CLVS1: variants seen among roughly 807,000 people sequenced by gnomAD.
CLVS1 encodes clavesin-1.
A neutral mutation model predicts 33.1 loss-of-function variants in CLVS1; 10 were observed. The ratio of observed to expected loss-of-function variants is 0.30; its 90% confidence interval spans 0.19 to 0.51. The LOEUF is 0.51. Ranked by LOEUF, CLVS1 falls within the 20% of genes least tolerant of loss-of-function variation. The pLI is 0.97. For synonymous variants in CLVS1, 163 were observed against 166.1 expected, an observed-to-expected ratio of 0.98 and a Z score of 0.14; for missense variants, 343 against 433.4, an observed-to-expected ratio of 0.79 and a Z score of 1.85.
intron 2 of CLVS1, among the ~76,000 whole-genome samples, chr8:61,364,323 C>G (rs1813103457): frequency 6.6e-6 from 1 of 152,108 alleles, no homozygotes; most frequent in Non-Finnish European, 1.5e-5. Flanking sequence ...TCACAGCAGC[C>G]TTATATCCTG....
At chr8:61,373,804 G>C (rs1388151022) in intron 2 of CLVS1, among the ~76,000 whole-genome samples, 2 of 152,142 alleles carry the variant, frequency 1.3e-5, no homozygotes, top group Non-Finnish European at 2.9e-5. Context: ...GCTTAAGAAA[G>C]CAATCATTTA....
upstream of CLVS1, among the ~76,000 whole-genome samples, chr8:61,056,931 G>A (rs1431043010): frequency 6.6e-6 from 1 of 152,096 alleles, no homozygotes; most frequent in Non-Finnish European, 1.5e-5. Context: ...AAAGCGCCAG[G>A]GCCTTTGTCA....
the CLVS1 span, among the ~76,000 whole-genome samples, chr8:61,031,394 C>A: frequency 6.6e-6 from 1 of 152,180 alleles, no homozygotes; most frequent in African/African-American, 2.4e-5. Flanking sequence ...CCGTTCCCCA[C>A]CCAAGAGCTA....
intron 3 of CLVS1, among the ~76,000 whole-genome samples, chr8:61,380,685 C>G (rs1813838142): frequency 6.6e-6 from 1 of 152,146 alleles, no homozygotes; most frequent in Non-Finnish European, 1.5e-5. Context: ...AAATTTTAAT[C>G]AAACAAAGTA....
the CLVS1 span, among the ~76,000 whole-genome samples, chr8:61,028,013 T>G: frequency 2.0e-5 from 3 of 152,234 alleles, no homozygotes; most frequent in African/African-American, 7.2e-5. Flanking sequence ...CCTATCTGAA[T>G]GGTCCTTGAG....
In CLVS1 at chr8:61,158,320, C is replaced by G. The variant is rs546884952; in HGVS notation, c.-152+26460C>G. Among the ~76,000 whole-genome samples, 143 of 152,206 alleles carry G rather than the reference C, an allele frequency of 9.4e-4. 1 individual carries two copies. Among genetic ancestry groups the G allele is most frequent in the Non-Finnish European group, 1.6e-3 (110 of 68,022 alleles). ...AGATCAGTGGCTATTTCTGGAGGAACAGACTGGGAAGGGGTGGAGACACTC... is the reference window on the plus strand; with the variant it reads ...AGATCAGTGGCTATTTCTGGAGGAAGAGACTGGGAAGGGGTGGAGACACTC... On this transcript the variant is annotated intron_variant, in intron 2 of 2. Transcript: ENST00000522621.
intron 5 of CLVS1, among the ~76,000 whole-genome samples, chr8:61,461,390 T>C (rs1227333346): frequency 6.6e-6 from 1 of 152,252 alleles, no homozygotes; most frequent in Non-Finnish European, 1.5e-5. Flanking sequence ...GTTGCTCTGA[T>C]AGAGGTTCTT....
intron 2 of CLVS1, among the ~76,000 whole-genome samples, chr8:61,262,002 G>A (rs932862768): frequency 2.6e-4 from 39 of 150,792 alleles, no homozygotes; most frequent in East Asian, 5.8e-4. Flanking sequence ...GTGTGTGTGT[G>A]TGTGTGTGTG....
intron 2 of CLVS1, among the ~76,000 whole-genome samples, chr8:61,216,939 A>T (rs901422734): frequency 1.2e-4 from 18 of 152,204 alleles, no homozygotes; most frequent in African/African-American, 3.1e-4. Flanking sequence ...GGTGAAACAA[A>T]TGCACAGATT....
chr8:61,154,569 G>C (rs1806613361), intron 2 of CLVS1, among the ~76,000 whole-genome samples: 1 of 152,196 alleles, frequency 6.6e-6, no homozygotes, highest in African/African-American at 2.4e-5. Context: ...CCACGGACTT[G>C]AGAATGCATC....
intron 2 of CLVS1, among the ~76,000 whole-genome samples, chr8:61,180,979 T>A (rs966264077): frequency 6.6e-6 from 1 of 152,210 alleles, no homozygotes; most frequent in Non-Finnish European, 1.5e-5. Flanking sequence ...ACATTGGAAG[T>A]TCTGGCCAGG....
intron 2 of CLVS1, among the ~76,000 whole-genome samples, chr8:61,216,001 T>C (rs1407805192): frequency 2.6e-5 from 4 of 152,120 alleles, no homozygotes; most frequent in Non-Finnish European, 5.9e-5. Flanking sequence ...GGAGTTATCT[T>C]ATATAGGGCA....
At chr8:61,051,592 C>G in the CLVS1 span, among the ~76,000 whole-genome samples, 1 of 152,252 alleles carries the variant, frequency 6.6e-6, no homozygotes, top group South Asian at 2.1e-4. Context: ...TGGAGAGCCA[C>G]TGGCCTGCAG....
the CLVS1 span, among the ~76,000 whole-genome samples, chr8:61,033,057 A>AAG: frequency 5.3e-4 from 32 of 60,254 alleles, 2 homozygotes; most frequent in Non-Finnish European, 7.4e-4. Context: ...AAAAGAAAGA[A>AAG]AGATAGAAAG....
intron 2 of CLVS1, among the ~76,000 whole-genome samples, chr8:61,221,301 T>A (rs889546661): frequency 6.6e-6 from 1 of 152,214 alleles, no homozygotes; most frequent in East Asian, 1.9e-4. Context: ...GCCCATTCAG[T>A]ATGATATTGG....
At chr8:61,164,742 CT>C (rs1474589243) in intron 2 of CLVS1, among the ~76,000 whole-genome samples, 1 of 152,216 alleles carries the variant, frequency 6.6e-6, no homozygotes, top group Non-Finnish European at 1.5e-5. Flanking sequence ...GGAATCCCCC[CT>C]CTTTCTGTGT....
upstream of CLVS1, among the ~76,000 whole-genome samples, chr8:61,053,436 T>A (rs929144706): frequency 6.6e-6 from 1 of 152,200 alleles, no homozygotes; most frequent in African/African-American, 2.4e-5. Flanking sequence ...ATGTAGTGTT[T>A]CAAGGAGGAG....
chr8:61,247,281 A>C (rs1379438415), intron 2 of CLVS1, among the ~76,000 whole-genome samples: 1 of 152,214 alleles, frequency 6.6e-6, no homozygotes, highest in Non-Finnish European at 1.5e-5. Context: ...TCTTTATGGC[A>C]GAATGATTTA....
intron 1 of CLVS1, among the ~76,000 whole-genome samples, chr8:61,076,883 C>T (rs998924489): frequency 2.6e-5 from 4 of 152,194 alleles, no homozygotes; most frequent in African/African-American, 9.7e-5. Context: ...GGTATATTTC[C>T]CATATTACCC....
Sources: gnomAD v4.1 joint callset for allele counts (sites outside exome capture counted in the v4.1 genomes callset) on GRCh38, gnomAD v4.1.1 for gene constraint, MANE v1.5 for transcripts, NCBI Gene and HGNC (gene_info 2026-07-23, HGNC 2026-07-21) for gene names.